Variants in PHACTR1 observed in about 807,000 individuals in gnomAD.
PHACTR1 encodes the protein RPEL repeat containing 1.
Under a neutral mutation model 69.2 loss-of-function variants are expected in PHACTR1, and 16 were observed. That is an observed-to-expected ratio of 0.23 (90% confidence interval 0.16 to 0.35). The LOEUF (loss-of-function observed/expected upper bound fraction) is 0.35, where lower values mean the gene tolerates loss of function less well. Ranked by LOEUF, PHACTR1 falls within the 10% of genes least tolerant of loss-of-function variation. The probability of loss-of-function intolerance (pLI) is 1.00; values close to 1 mark genes in which losing one functional copy is unlikely to be tolerated. For synonymous variants in PHACTR1, 312 were observed against 284.5 expected (o/e 1.10, Z -0.97); for missense variants, 510 against 734.7 (o/e 0.69, Z 3.54).
intron 10 of PHACTR1, among the ~76,000 whole-genome samples, chr6:13,236,638 T>C (rs951465717): frequency 6.6e-6 from 1 of 152,120 alleles, no homozygotes. Context: ...AGATTTCCCC[T>C]TTCTATAAGG....
chr6:12,861,663 T>C (rs1331130762), intron 4 of PHACTR1, among the ~76,000 whole-genome samples: 1 of 152,324 alleles, frequency 6.6e-6, no homozygotes, highest in East Asian at 1.9e-4. Context: ...AACATGTAAC[T>C]TACAAAAGTT....
At chr6:13,060,029 A>C (rs1807444120) in intron 5 of PHACTR1, among the ~76,000 whole-genome samples, 1 of 152,202 alleles carries the variant, frequency 6.6e-6, no homozygotes, top group South Asian at 2.1e-4. Flanking sequence ...GAGGAGGAGG[A>C]GCCTGTAAAG....
chr6:13,195,466 T>C (rs1764235364), intron 7 of PHACTR1, among the ~76,000 whole-genome samples: 1 of 151,806 alleles, frequency 6.6e-6, no homozygotes, highest in Non-Finnish European at 1.5e-5. Context: ...GATTAAAAAG[T>C]TCATTTGTGG....
At chr6:13,231,092 AAGGAAGGGAAAAGAAAGAAGGAAAGAGAG>A (rs1770939546) in intron 10 of PHACTR1, among the ~76,000 whole-genome samples, 2 of 69,956 alleles carry the variant, frequency 2.9e-5, no homozygotes, top group Admixed American at 1.6e-4. Context: ...AGGAAGAAGG[AAGGAAGGGAAAAGAAAGAAGGAAAGAGAG>A]AAAGAAAGAA....
intron 6 of PHACTR1, among the ~76,000 whole-genome samples, chr6:13,180,668 T>C (rs968523820): frequency 6.6e-6 from 1 of 152,216 alleles, no homozygotes; most frequent in Non-Finnish European, 1.5e-5. Flanking sequence ...AGCGGTTTCC[T>C]AGAGATGTGT....
intron 10 of PHACTR1, among the ~76,000 whole-genome samples, chr6:13,249,514 T>C (rs1004905748): frequency 6.6e-6 from 1 of 152,154 alleles, no homozygotes; most frequent in Admixed American, 6.5e-5. Flanking sequence ...TGTGTGGTGA[T>C]TAAGCCGGGC....
chr6:12,942,399 C>T lies in PHACTR1; in HGVS notation c.251-110966C>T, dbSNP rs190096891. Among the ~76,000 whole-genome samples, 326 of 152,294 alleles carry T rather than the reference C, an allele frequency of 2.1e-3. 1 individual carries two copies. Among genetic ancestry groups the T allele is most frequent in the African/African-American group, 7.3e-3 (303 of 41,572 alleles). On this transcript the variant is annotated intron_variant, in intron 4 of 14. Transcript: ENST00000332995. ...TGATATACTACACTTTTGAAATACC[C>T]TGCCCTGTTTAAAGTAACCACAACT...
At chr6:12,930,745 T>G (rs750131172) in intron 4 of PHACTR1, among the ~76,000 whole-genome samples, 1 of 152,130 alleles carries the variant, frequency 6.6e-6, no homozygotes, top group Non-Finnish European at 1.5e-5. Context: ...CAGCTGAATC[T>G]TGAGTCCAGA....
At chr6:12,901,992 A>G (rs936201112) in intron 4 of PHACTR1, among the ~76,000 whole-genome samples, 1 of 152,106 alleles carries the variant, frequency 6.6e-6, no homozygotes, top group East Asian at 1.9e-4. Context: ...GGTTGTCATA[A>G]CTTGGGAGGG....
At chr6:13,074,018 G>A (rs1347819354) in intron 5 of PHACTR1, among the ~76,000 whole-genome samples, 3 of 151,886 alleles carry the variant, frequency 2.0e-5, no homozygotes, top group East Asian at 3.9e-4. Flanking sequence ...GATTACAGGC[G>A]TATGCCACCA....
intron 4 of PHACTR1, among the ~76,000 whole-genome samples, chr6:12,962,907 G>A (rs182148985): frequency 7.9e-5 from 12 of 152,220 alleles, no homozygotes; most frequent in African/African-American, 2.6e-4. Flanking sequence ...TCAGTCCCCA[G>A]CTCTCCCTGT....
chr6:12,915,500 C>A (rs1301040929), intron 4 of PHACTR1, among the ~76,000 whole-genome samples: 5 of 133,866 alleles, frequency 3.7e-5, no homozygotes, highest in Non-Finnish European at 6.3e-5. Context: ...GAGTGAAACT[C>A]TCTCTCAAAA....
At chr6:13,185,082 C>G (rs1018398253) in intron 7 of PHACTR1, 12 of 1,157,292 alleles carry the variant, frequency 1.0e-5, no homozygotes, top group Admixed American at 2.7e-5. Flanking sequence ...GTTCTTTGAA[C>G]TGAGGCCTGA....
At chr6:12,730,986 T>TTTTATTTATTTA (rs10648753) in intron 3 of PHACTR1, among the ~76,000 whole-genome samples, 4,436 of 137,946 alleles carry the variant, frequency 0.032, 115 homozygotes, top group East Asian at 0.059. Flanking sequence ...ATATTACCTT[T>TTTTATTTATTTA]TTTATTTATT....
At chr6:13,125,122 G>T (rs1432735259) in intron 5 of PHACTR1, among the ~76,000 whole-genome samples, 5 of 152,174 alleles carry the variant, frequency 3.3e-5, no homozygotes, top group Non-Finnish European at 2.9e-5. Context: ...AAACTTTCAC[G>T]GCTGGGAAGC....
intron 4 of PHACTR1, among the ~76,000 whole-genome samples, chr6:12,773,515 G>C (rs900989207): frequency 2.0e-5 from 3 of 152,056 alleles, no homozygotes; most frequent in Non-Finnish European, 2.9e-5. Context: ...TGCTTATTCT[G>C]TTACTTAGTT....
intron 4 of PHACTR1, among the ~76,000 whole-genome samples, chr6:12,849,511 G>T (rs1187399086): frequency 6.6e-6 from 1 of 152,194 alleles, no homozygotes; most frequent in Non-Finnish European, 1.5e-5. Context: ...ATAGCACACA[G>T]TAATGGTAGT....
At position 12,931,349 on chromosome 6, in the gene PHACTR1, G is replaced by A. The variant is rs144273571; in HGVS notation, c.251-122016G>A. On this transcript the variant is annotated intron_variant, in intron 4 of 14. Coordinates refer to ENST00000332995, the MANE Select transcript of PHACTR1 (RefSeq NM_030948.6). ...CCTTTTAGCCTAAGTTTAGTCTCAG[G>A]GTCATACCTACCTGCAGGGAAAGTT... Among the ~76,000 whole-genome samples the A allele has an allele frequency of 5.1e-3, 772 of 152,142 alleles. 3 individuals are homozygous for A. Among genetic ancestry groups the A allele is most frequent in the Non-Finnish European group, 8.5e-3 (581 of 68,014 alleles).
chr6:13,177,172 TAAAAAA>T (rs530741132), intron 6 of PHACTR1, among the ~76,000 whole-genome samples: 56 of 63,360 alleles, frequency 8.8e-4, no homozygotes, highest in East Asian at 2.5e-3. Flanking sequence ...ACCCCATCTC[TAAAAAA>T]AAAAAAAAAA....
Sources: gnomAD v4.1 joint callset for allele counts (sites outside exome capture counted in the v4.1 genomes callset) on GRCh38, gnomAD v4.1.1 for gene constraint, MANE v1.5 for transcripts, NCBI Gene and HGNC (gene_info 2026-07-23, HGNC 2026-07-21) for gene names.